The following TNRC6B variants were observed in gnomAD, a reference collection of about 807,000 sequenced individuals.
TNRC6B encodes trinucleotide repeat-containing gene 6B protein.
A neutral mutation model predicts 203.6 loss-of-function variants in TNRC6B; 52 were observed. That is an observed-to-expected ratio of 0.26 (90% CI 0.20 to 0.32). The LOEUF (loss-of-function observed/expected upper bound fraction) is 0.32. Ranked by LOEUF, TNRC6B falls within the 10% of genes least tolerant of loss-of-function variation. The pLI is 1.00. For missense variants in TNRC6B, 1,923 were observed against 2,286.2 expected (o/e 0.84, Z 3.24); for synonymous variants, 838 against 845.7 (o/e 0.99, Z 0.16).
At chr22:40,282,151 A>G (rs1447102305) in intron 11 of TNRC6B, among the ~76,000 whole-genome samples, 1 of 152,232 alleles carries the variant, frequency 6.6e-6, no homozygotes, top group East Asian at 1.9e-4. Flanking sequence ...ACAACTTGTA[A>G]TTATTAGTTG....
intron 3 of TNRC6B, among the ~76,000 whole-genome samples, chr22:40,260,253 TAC>T (rs2070358342): frequency 6.6e-6 from 1 of 152,310 alleles, no homozygotes; most frequent in Non-Finnish European, 1.5e-5. Flanking sequence ...TTCTAGTATT[TAC>T]ACAGAGAGCG....
chr22:40,072,730 G>A (rs1229253323), intron 1 of TNRC6B, among the ~76,000 whole-genome samples: 4 of 152,006 alleles, frequency 2.6e-5, no homozygotes, highest in Non-Finnish European at 5.9e-5. Context: ...CGGGCATGGT[G>A]GCACGTGCCT....
intron 10 of TNRC6B, 105 bp from the exon 11 acceptor site, chr22:40,281,014 C>G: frequency 2.0e-6 from 2 of 1,001,548 alleles, no homozygotes; most frequent in Non-Finnish European, 2.9e-6. Context: ...TGCTAATACA[C>G]TCTAACTTTG....
chr22:40,049,925 G>T (rs916574785), intron 1 of TNRC6B, among the ~76,000 whole-genome samples: 2 of 152,070 alleles, frequency 1.3e-5, no homozygotes, highest in Non-Finnish European at 2.9e-5. Flanking sequence ...CTACTTCTTC[G>T]TACTCAGTAT....
chr22:40,125,396 G>A (rs904196778), intron 2 of TNRC6B, among the ~76,000 whole-genome samples: 3 of 152,190 alleles, frequency 2.0e-5, no homozygotes, highest in Non-Finnish European at 4.4e-5. Flanking sequence ...CTGCAGGGGC[G>A]GAACAACAGG....
At chr22:40,142,052 G>A (rs768238923) in intron 3 of TNRC6B, among the ~76,000 whole-genome samples, 2 of 150,308 alleles carry the variant, frequency 1.3e-5, no homozygotes, top group East Asian at 2.0e-4. Flanking sequence ...GAGCCACCGC[G>A]CCTGGCCTTC....
chr22:40,314,816 T>A (rs1331984881), intron 19 of TNRC6B, among the ~76,000 whole-genome samples: 1 of 152,258 alleles, frequency 6.6e-6, no homozygotes, highest in African/African-American at 2.4e-5. Context: ...TTAAAGAATC[T>A]ATGTGAACAT....
In TNRC6B at chr22:40,207,434, T is replaced by A. The variant is rs1237029456; in HGVS notation, c.5+29294T>A. Among the ~76,000 whole-genome samples, 245 of 145,212 alleles carry A rather than the reference T, an allele frequency of 1.7e-3. 1 individual carries two copies. The highest frequency in any genetic ancestry group is 4.8e-3 in the African/African-American group (193 of 40,398). ...AAAAAAAAAAATATATATATATATA[T>A]ATATATATATGTATAATAAAATAAA... On this transcript the variant is annotated intron_variant, in intron 1 of 22. Transcript: ENST00000454349.
chr22:40,173,794 T>TATATATATATATATATATATATAA (rs201025367), upstream of TNRC6B, among the ~76,000 whole-genome samples: 1 of 31,448 alleles, frequency 3.2e-5, no homozygotes, highest in Non-Finnish European at 4.8e-5. Flanking sequence ...TATATATATA[T>TATATATATATATATATATATATAA]TTTTTTTTTT....
At chr22:40,291,803 C>A (rs1468248391) in intron 12 of TNRC6B, among the ~76,000 whole-genome samples, 1 of 152,176 alleles carries the variant, frequency 6.6e-6, no homozygotes, top group Admixed American at 6.5e-5. Flanking sequence ...ATTTCTGGGT[C>A]AAAGCACATT....
intron 1 of TNRC6B, among the ~76,000 whole-genome samples, chr22:40,046,207 A>G (rs947381842): frequency 6.6e-6 from 1 of 152,208 alleles, no homozygotes; most frequent in African/African-American, 2.4e-5. Flanking sequence ...GTTTCTCTTG[A>G]TTTGGAGAAT....
chr22:40,108,409 A>G (rs1034942005), intron 1 of TNRC6B, among the ~76,000 whole-genome samples: 1 of 152,216 alleles, frequency 6.6e-6, no homozygotes, highest in Admixed American at 6.5e-5. Flanking sequence ...CTTGGAAGTT[A>G]GGGCTTAGGA....
intron 1 of TNRC6B, among the ~76,000 whole-genome samples, chr22:40,073,294 T>C (rs1444998961): frequency 1.3e-5 from 2 of 152,162 alleles, no homozygotes; most frequent in African/African-American, 4.8e-5. Flanking sequence ...ACACGTTTTT[T>C]GTTAAGTGAA....
Position 40,251,157 on chromosome 22 carries a change from CTTT to C in TNRC6B, c.94-20_94-18del, listed in dbSNP as rs763888280. On this transcript the variant is annotated intron_variant, in intron 2 of 22. Transcript: ENST00000454349. ...TGAATTAAAAAGCAAATCTCATTTA[CTTT>C]TATCTGTTTATTTTGCAGGTCACGG... The C allele has an allele frequency of 5.2e-6, 8 of 1,529,444 alleles. No homozygotes were observed. Among genetic ancestry groups the C allele is most frequent in the Non-Finnish European group, 8.8e-7 (1 of 1,135,464 alleles). 94.7% of individuals were successfully genotyped at this position (1,529,444 alleles called of 1,614,324 possible).
chr22:40,229,462 CTCTT>C (rs1228973160), intron 1 of TNRC6B, among the ~76,000 whole-genome samples: 2 of 150,012 alleles, frequency 1.3e-5, no homozygotes, highest in African/African-American at 2.5e-5. Context: ...TTTTTTCTCT[CTCTT>C]CTTTGTTTTT....
intron 3 of TNRC6B, among the ~76,000 whole-genome samples, chr22:40,143,435 A>G (rs1385398678): frequency 6.6e-6 from 1 of 152,066 alleles, no homozygotes; most frequent in East Asian, 1.9e-4. Context: ...CTTGACTCTA[A>G]AAAAAATCAA....
intron 1 of TNRC6B, among the ~76,000 whole-genome samples, chr22:40,100,794 T>A (rs1166632420): frequency 6.6e-6 from 1 of 152,124 alleles, no homozygotes; most frequent in South Asian, 2.1e-4. Flanking sequence ...TTATATTGGA[T>A]GGAGACTGGG....
rs371020636 is a variant in TNRC6B at position 40,322,962 on chromosome 22, G to A, written c.5223G>A (p.Ala1741=). ...CTACACCTGCAGCAACCCCAAGTGC[G>A]CCAGCTGCGGGGTGGCAGTCGCTGG... ...QPPTPAATPS[A]PAAGWQSLET... is the part of the protein sequence containing the mutation. The change falls in exon 23 of 23, where the codon GCG becomes GCA. Residue 1741 remains alanine (A), a synonymous_variant. Transcript: ENST00000454349. 38 of 1,612,704 alleles carry A rather than the reference G, an allele frequency of 2.4e-5. 1 individual carries two copies. The highest frequency in any genetic ancestry group is 1.7e-4 in the African/African-American group (13 of 75,040).
At chr22:40,164,281 G>A (rs564954715) in intron 4 of TNRC6B, among the ~76,000 whole-genome samples, 8 of 150,610 alleles carry the variant, frequency 5.3e-5, no homozygotes, top group East Asian at 2.0e-4. Context: ...CCAGCTACTC[G>A]GGAGGCTGAG....
Sources: allele counts gnomAD v4.1 joint callset (sites outside exome capture counted in the v4.1 genomes callset), GRCh38; gene constraint gnomAD v4.1.1; transcripts MANE v1.5; gene names NCBI Gene and HGNC (gene_info 2026-07-23, HGNC 2026-07-21).